LCTL: variants seen among roughly 807,000 people sequenced by gnomAD.
The protein encoded by LCTL is lactase like, also known as lactase-like protein.
Under a neutral mutation model 75.8 loss-of-function variants are expected in LCTL, and 76 were observed. The observed-to-expected ratio is 1.00, with a 90% confidence interval of 0.83 to 1.21. The LOEUF is 1.21. Among genes scored for constraint, LCTL ranks in the 50% most tolerant of loss-of-function variants. LCTL has a pLI of 0.00. For synonymous variants in LCTL, 271 were observed against 268.8 expected, an observed-to-expected ratio of 1.01 and a Z score of -0.08; for missense variants, 670 against 712.4, an observed-to-expected ratio of 0.94 and a Z score of 0.68.
Position 66,552,029 on chromosome 15 carries a change from G to T in LCTL, c.1324+14C>A, listed in dbSNP as rs968224576. The stretch of plus-strand genomic sequence containing the variant: ...AAACGGGAAAACTGCAGACAATCTT[G>T]GTTTGTGTCTCACCTTTTAGCATTT... On this transcript the variant is annotated intron_variant, in intron 10 of 12. Coordinates refer to ENST00000341509, the Ensembl canonical transcript of LCTL. 2 of 1,604,692 alleles carry T rather than the reference G, an allele frequency of 1.2e-6. No individual in the cohort carries two copies. Among genetic ancestry groups the T allele is most frequent in the African/African-American group, 1.3e-5 (1 of 74,682 alleles).
At chr15:66,561,128 G>T (rs200830852) in intron 5 of LCTL, 27 bp from the exon 7 acceptor site, 5 of 1,614,150 alleles carry the variant, frequency 3.1e-6, no homozygotes, top group Non-Finnish European at 4.2e-6. Flanking sequence ...CAGGACCACA[G>T]GATCCATAAG....
At chr15:66,564,144 G>A (rs972764200) in intron 2 of LCTL, 146 bp from the exon 4 acceptor site, 9 of 639,176 alleles carry the variant, frequency 1.4e-5, no homozygotes, top group Non-Finnish European at 2.5e-5. Context: ...TACAACAGAG[G>A]TGATGCCACC....
Position 66,563,401 on chromosome 15 carries a change from C to G in LCTL, c.480+115G>C, listed in dbSNP as rs556577901. On this transcript the variant is annotated intron_variant, in intron 4 of 12. Coordinates refer to ENST00000341509, the Ensembl canonical transcript of LCTL. ...CACTCACTCGCATCTTATAGTCCTGCGCCAGAATCCAGACCCTAGTCTCTG... is the reference window on the plus strand; with the variant it reads ...CACTCACTCGCATCTTATAGTCCTGGGCCAGAATCCAGACCCTAGTCTCTG... 3.5e-5 allele frequency: 22 copies of G among 623,164 alleles called. No individual in the cohort carries two copies. In the Admixed American group the frequency reaches 6.1e-4, roughly 17 times the overall value. 38.6% of individuals were successfully genotyped at this position (623,164 alleles called of 1,614,324 possible).
At chr15:66,553,942 G>A (rs1895680696) in intron 8 of LCTL, among the ~76,000 whole-genome samples, 1 of 150,206 alleles carries the variant, frequency 6.7e-6, no homozygotes, top group East Asian at 2.0e-4. Context: ...GATCACTTGA[G>A]ATCAGGAGTT....
At chr15:66,551,299 A>G (rs926569783) in intron 11 of LCTL, among the ~76,000 whole-genome samples, 5 of 140,998 alleles carry the variant, frequency 3.5e-5, no homozygotes, top group Admixed American at 3.0e-4. Context: ...GTGAGCCGAG[A>G]TCGCACTACT....
intron 2 of LCTL, 120 bp from the exon 4 acceptor site, chr15:66,564,118 C>T (rs533931573): frequency 4.3e-6 from 3 of 696,608 alleles, no homozygotes; most frequent in East Asian, 5.2e-5. Context: ...CAAGGAAGAA[C>T]CTGCTTCCTC....
chr15:66,552,006 A>G (rs142628580), intron 10 of LCTL, 37 bp downstream of exon 11: 1 of 1,594,260 alleles, frequency 6.3e-7, no homozygotes, highest in African/African-American at 1.3e-5. Context: ...TCTCAGTTAA[A>G]CGGGAAAACT....
intron 4 of LCTL, among the ~76,000 whole-genome samples, chr15:66,563,080 T>C (rs1895933771): frequency 6.6e-6 from 1 of 152,202 alleles, no homozygotes; most frequent in Non-Finnish European, 1.5e-5. Context: ...CTGTATCCCC[T>C]GTGTAACAGT....
At chr15:66,561,301 T>G in exon 5 of LCTL, 1 of 1,614,210 alleles carries the variant, frequency 6.2e-7, no homozygotes, top group Non-Finnish European at 8.5e-7. Flanking sequence ...ACCCACCGTA[T>G]TTGACCTGGA....
intron 6 of LCTL, 71 bp downstream of exon 7, chr15:66,560,934 CT>C: frequency 1.4e-6 from 2 of 1,417,124 alleles, no homozygotes; most frequent in South Asian, 2.3e-5. Flanking sequence ...GAGGACCAAG[CT>C]CAGGCTAGAG....
chr15:66,560,757 G>A (rs567906195), intron 6 of LCTL, among the ~76,000 whole-genome samples: 26 of 152,258 alleles, frequency 1.7e-4, no homozygotes, highest in African/African-American at 4.3e-4. Flanking sequence ...TGTAGTTGAC[G>A]CATTTCCACA....
exon 2 of LCTL, chr15:66,564,835 G>A (rs768622926): frequency 6.2e-7 from 1 of 1,611,190 alleles, no homozygotes; most frequent in Non-Finnish European, 8.5e-7. Context: ...CGCCCCAGGA[G>A]AAGCCTGCAG....
chr15:66,551,394 T>C (rs1258566428), intron 11 of LCTL, among the ~76,000 whole-genome samples: 1 of 150,828 alleles, frequency 6.6e-6, no homozygotes, highest in Middle Eastern at 3.2e-3. Flanking sequence ...GAATAACATT[T>C]AACTATAAGT....
chr15:66,557,242 G>T (rs1895760965), intron 8 of LCTL, among the ~76,000 whole-genome samples: 1 of 152,150 alleles, frequency 6.6e-6, no homozygotes, highest in Non-Finnish European at 1.5e-5. Flanking sequence ...AGAATTTTCT[G>T]TTACGTGGCA....
chr15:66,564,771 G>T, exon 2 of LCTL: 1 of 1,613,632 alleles, frequency 6.2e-7, no homozygotes. Flanking sequence ...CAGATGCTAG[G>T]CCCTTTCCCG....
At position 66,564,749 on chromosome 15, in the gene LCTL, G is replaced by C. The variant is rs373437599; in HGVS notation, c.209C>G (p.Thr70Arg). The C allele has an allele frequency of 1.1e-5, 18 of 1,613,674 alleles. No individual in the cohort carries two copies. The South Asian group carries it at 1.2e-4, about 11-fold the overall frequency. Reference sequence around the variant, plus strand: ...AAGCACTTTCCCCTTCCCACTGTGTGTGAAGACGTCCCAGATGCTAGGCCC... The same window carrying C: ...AAGCACTTTCCCCTTCCCACTGTGTCTGAAGACGTCCCAGATGCTAGGCCC... The change falls in exon 2 of 13, where the codon ACA (threonine) becomes AGA (arginine). Residue 70 changes from threonine (T) to arginine (R), a missense_variant. Physicochemically the swap from Thr to Arg is moderately conservative, Grantham distance 71. Coordinates refer to ENST00000341509, the Ensembl canonical transcript of LCTL.
chr15:66,558,690 T>G (rs868824142), intron 6 of LCTL, among the ~76,000 whole-genome samples: 10,042 of 107,000 alleles, frequency 0.094, 239 homozygotes, highest in Non-Finnish European at 0.13. Flanking sequence ...TGTGTGTGTT[T>G]TTTTTTTTTT....
exon 9 of LCTL, chr15:66,553,129 T>C (rs1189773494): frequency 6.2e-7 from 1 of 1,612,052 alleles, no homozygotes; most frequent in Non-Finnish European, 8.5e-7. Context: ...GTAGTTCCTT[T>C]CCGTGATGTA....
At chr15:66,557,857 C>G in exon 8 of LCTL, 1 of 1,614,112 alleles carries the variant, frequency 6.2e-7, no homozygotes, top group African/African-American at 1.3e-5. Context: ...TCCCCCCAGT[C>G]ACAGTTCAAT....
Sources: gnomAD v4.1 joint callset for allele counts (sites outside exome capture counted in the v4.1 genomes callset) on GRCh38, gnomAD v4.1.1 for gene constraint, MANE v1.5 for transcripts, NCBI Gene and HGNC (gene_info 2026-07-23, HGNC 2026-07-21) for gene names.